LRP1B: variants seen among roughly 807,000 people sequenced by gnomAD.
LRP1B encodes LDL receptor related protein 1B.
A neutral mutation model predicts 556.6 loss-of-function variants in LRP1B; 217 were observed. The ratio of observed to expected loss-of-function variants is 0.39; its 90% CI spans 0.35 to 0.44. The LOEUF (loss-of-function observed/expected upper bound fraction) is 0.44. LRP1B is among the 20% of genes least tolerant of loss of function. The pLI is 1.00. For missense variants in LRP1B, 5,053 were observed against 5,620.8 expected, an observed-to-expected ratio of 0.90 and a Z score of 3.23; for synonymous variants, 2,047 against 1,865.8, an observed-to-expected ratio of 1.10 and a Z score of -2.50.
intron 1 of LRP1B, among the ~76,000 whole-genome samples, chr2:141,912,631 A>G (rs1329339068): frequency 6.6e-6 from 1 of 152,112 alleles, no homozygotes; most frequent in Admixed American, 6.6e-5. Flanking sequence ...CCACTCTGGT[A>G]TATTGACTAT....
intron 3 of LRP1B, among the ~76,000 whole-genome samples, chr2:141,337,878 G>A (rs1687903887): frequency 6.6e-6 from 1 of 152,174 alleles, no homozygotes; most frequent in African/African-American, 2.4e-5. Flanking sequence ...TGTTACAGGT[G>A]TGTCAAATGA....
At chr2:142,100,587 T>C (rs1287033806) in intron 1 of LRP1B, among the ~76,000 whole-genome samples, 1 of 151,986 alleles carries the variant, frequency 6.6e-6, no homozygotes, top group African/African-American at 2.4e-5. Flanking sequence ...GAAACTATAA[T>C]TGACAGAAAT....
chr2:140,583,171 C>CTTTTCTTTTTTTTTTT (rs1553491151), intron 43 of LRP1B, among the ~76,000 whole-genome samples: 10 of 48,022 alleles, frequency 2.1e-4, no homozygotes, highest in African/African-American at 6.2e-4. Flanking sequence ...CCTTTTTTTT[C>CTTTTCTTTTTTTTTTT]TTTTTTTTTT....
At chr2:141,495,328 C>T (rs1449950475) in intron 2 of LRP1B, among the ~76,000 whole-genome samples, 1 of 152,118 alleles carries the variant, frequency 6.6e-6, no homozygotes, top group Non-Finnish European at 1.5e-5. Flanking sequence ...TTTGTTTCAT[C>T]TGCCCTTTCT....
intron 66 of LRP1B, among the ~76,000 whole-genome samples, chr2:140,436,668 T>C (rs1686198184): frequency 6.6e-6 from 1 of 150,946 alleles, no homozygotes; most frequent in African/African-American, 2.4e-5. Context: ...ATCTCAAAAA[T>C]GAGTAAGATA....
chr2:141,943,466 C>T (rs1244304291), intron 1 of LRP1B, among the ~76,000 whole-genome samples: 1 of 152,144 alleles, frequency 6.6e-6, no homozygotes, highest in Non-Finnish European at 1.5e-5. Context: ...TGTTCGCTTT[C>T]TGAAGTACTA....
rs149899299 is a variant in LRP1B, at chr2:141,822,092, TACACACAC to T, written c.83-11699_83-11692del. 2.1e-3 allele frequency among the ~76,000 whole-genome samples: 232 copies of T among 112,406 alleles called. 2 individuals are homozygous for T. Among genetic ancestry groups the T allele is most frequent in the Middle Eastern group, 5.2e-3 (1 of 192 alleles). The allele number at this position is 112,406 out of a possible 152,430, so 73.7% of individuals were successfully genotyped here. ...AACTGCTTCTTCACCAAAAAATACA[TACACACAC>T]ACACACACACACACACACACACACA... On this transcript the variant is annotated intron_variant, in intron 1 of 90. Transcript: ENST00000389484.
chr2:141,025,990 T>C (rs1483792870), intron 11 of LRP1B, among the ~76,000 whole-genome samples: 3 of 152,078 alleles, frequency 2.0e-5, no homozygotes, highest in Non-Finnish European at 4.4e-5. Flanking sequence ...ACTAAAATTC[T>C]TTGGATAATA....
chr2:140,779,675 A>G (rs979805855), intron 32 of LRP1B, among the ~76,000 whole-genome samples: 2 of 141,186 alleles, frequency 1.4e-5, no homozygotes, highest in African/African-American at 2.7e-5. Context: ...AGCCCGGGTG[A>G]CAGAGCGAGA....
intron 1 of LRP1B, among the ~76,000 whole-genome samples, chr2:141,831,424 G>A (rs1697108156): frequency 6.6e-6 from 1 of 151,506 alleles, no homozygotes; most frequent in African/African-American, 2.4e-5. Context: ...ATCTGACTTT[G>A]TGTTTTTCAA....
chr2:141,279,911 A>G (rs903613812), intron 3 of LRP1B, among the ~76,000 whole-genome samples: 1 of 152,072 alleles, frequency 6.6e-6, no homozygotes, highest in African/African-American at 2.4e-5. Flanking sequence ...GTCAATAGAA[A>G]ATCAGTTTCC....
intron 21 of LRP1B, among the ~76,000 whole-genome samples, chr2:140,915,557 G>T (rs1024327095): frequency 1.3e-5 from 2 of 151,874 alleles, no homozygotes; most frequent in Non-Finnish European, 2.9e-5. Context: ...AGGAGGCTGA[G>T]GCAGATATTG....
chr2:141,076,485 C>T (rs2104871397), intron 7 of LRP1B, among the ~76,000 whole-genome samples: 1 of 152,314 alleles, frequency 6.6e-6, no homozygotes, highest in Admixed American at 6.5e-5. Context: ...AGCTTGCTGA[C>T]ATCTCCAATT....
chr2:141,312,826 T>C (rs528439390), intron 3 of LRP1B, among the ~76,000 whole-genome samples: 1 of 152,092 alleles, frequency 6.6e-6, no homozygotes, highest in African/African-American at 2.4e-5. Context: ...GTAGCTGAGA[T>C]TACAGGTGCC....
intron 3 of LRP1B, among the ~76,000 whole-genome samples, chr2:141,328,507 G>T (rs1273223867): frequency 1.3e-5 from 2 of 152,180 alleles, no homozygotes; most frequent in African/African-American, 2.4e-5. Flanking sequence ...GGTTCCTATA[G>T]TCTGTGCTAG....
intron 2 of LRP1B, among the ~76,000 whole-genome samples, chr2:141,696,719 T>C (rs1691743687): frequency 6.6e-6 from 1 of 152,016 alleles, no homozygotes; most frequent in Admixed American, 6.6e-5. Flanking sequence ...ACTATAGTGA[T>C]TAAATAGATG....
At chr2:141,282,647 A>G (rs1685553176) in intron 3 of LRP1B, among the ~76,000 whole-genome samples, 1 of 152,004 alleles carries the variant, frequency 6.6e-6, no homozygotes, top group African/African-American at 2.4e-5. Flanking sequence ...AGCCTTTATC[A>G]TGATTATCAT....
At chr2:140,693,828 C>A in intron 41 of LRP1B, among the ~76,000 whole-genome samples, 1 of 152,082 alleles carries the variant, frequency 6.6e-6, no homozygotes. Context: ...ATATCTCAGC[C>A]TCCTGAGTAG....
intron 20 of LRP1B, among the ~76,000 whole-genome samples, chr2:140,946,598 C>T (rs1695555446): frequency 1.3e-5 from 2 of 151,990 alleles, no homozygotes; most frequent in Admixed American, 1.3e-4. Context: ...GATACTCAGT[C>T]TCAAACAAGA....
Sources: allele counts gnomAD v4.1 joint callset (sites outside exome capture counted in the v4.1 genomes callset), GRCh38; gene constraint gnomAD v4.1.1; transcripts MANE v1.5; gene names NCBI Gene and HGNC (gene_info 2026-07-23, HGNC 2026-07-21).